Variants in SNX24 observed in about 807,000 individuals in gnomAD.
SNX24 encodes the protein sorting nexin-24.
In SNX24, 22 loss-of-function variants were observed where a neutral mutation model predicts 28.7. The observed-to-expected ratio is 0.77, with a 90% CI of 0.55 to 1.10. The LOEUF is 1.10. Among genes scored for constraint, SNX24 ranks in the 50% least tolerant of loss-of-function variants. The pLI, the probability that SNX24 is intolerant of heterozygous loss-of-function variation, is 0.00. For missense variants in SNX24, 221 were observed against 201.1 expected (o/e 1.10, Z -0.60); for synonymous variants, 69 against 71.5 (o/e 0.96, Z 0.18).
chr5:122,877,602 C>T (rs1035782171), intron 1 of SNX24, among the ~76,000 whole-genome samples: 20 of 152,306 alleles, frequency 1.3e-4, no homozygotes, highest in Middle Eastern at 3.4e-3. Flanking sequence ...CTCTACTCAG[C>T]ACCTCTGAAC....
chr5:122,948,476 T>G (rs1022591463), intron 3 of SNX24: 1 of 152,236 alleles, frequency 6.6e-6, no homozygotes, highest in Non-Finnish European at 1.5e-5. Flanking sequence ...CCATAGCATC[T>G]TAAGTTCACA....
intron 3 of SNX24, among the ~76,000 whole-genome samples, chr5:122,983,569 T>A (rs554717268): frequency 6.6e-5 from 10 of 152,186 alleles, no homozygotes; most frequent in Admixed American, 2.0e-4. Flanking sequence ...TCAGACTTTA[T>A]CAAAATCCTT....
intron 1 of SNX24, among the ~76,000 whole-genome samples, chr5:122,873,517 A>G (rs1201729171): frequency 6.6e-6 from 1 of 152,154 alleles, no homozygotes; most frequent in Non-Finnish European, 1.5e-5. Flanking sequence ...ACAGTCAGGC[A>G]GAAGTGCCAG....
chr5:123,001,064 T>C (rs989045793), intron 4 of SNX24, among the ~76,000 whole-genome samples: 5 of 152,244 alleles, frequency 3.3e-5, no homozygotes, highest in Admixed American at 2.0e-4. Context: ...CTTGTATGTA[T>C]TTACGGGCAG....
chr5:122,870,241 T>C (rs1755912399), intron 1 of SNX24, among the ~76,000 whole-genome samples: 2 of 152,222 alleles, frequency 1.3e-5, no homozygotes, highest in Non-Finnish European at 2.9e-5. Context: ...TTATTCAAAA[T>C]GTGTGCCTTG....
intron 3 of SNX24, among the ~76,000 whole-genome samples, chr5:122,953,294 A>G (rs1056853696): frequency 5.9e-5 from 9 of 152,036 alleles, no homozygotes; most frequent in South Asian, 2.1e-4. Context: ...TAATAGAAAC[A>G]GGGTTTCGCC....
chr5:122,875,303 TA>T (rs1450605555), intron 1 of SNX24, among the ~76,000 whole-genome samples: 2 of 152,186 alleles, frequency 1.3e-5, no homozygotes, highest in East Asian at 1.9e-4. Context: ...TATGATGCCA[TA>T]AAAAAAGATT....
intron 1 of SNX24, 25 bp downstream of exon 1, chr5:122,845,718 G>A: frequency 1.5e-6 from 2 of 1,341,452 alleles, no homozygotes; most frequent in Non-Finnish European, 1.9e-6. Flanking sequence ...CGGGCGGACA[G>A]GGCCCCGCGA....
chr5:122,865,198 T>C (rs1335915098), intron 1 of SNX24, among the ~76,000 whole-genome samples: 1 of 152,236 alleles, frequency 6.6e-6, no homozygotes, highest in Non-Finnish European at 1.5e-5. Context: ...ACTGAAGTTG[T>C]CACATAAAAT....
chr5:122,922,289 G>A (rs1714312719), intron 1 of SNX24, among the ~76,000 whole-genome samples: 7 of 152,096 alleles, frequency 4.6e-5, no homozygotes, highest in Admixed American at 4.6e-4. Context: ...GTCTCACTCT[G>A]TCACCCAGGC....
intron 1 of SNX24, among the ~76,000 whole-genome samples, chr5:122,895,205 TTAA>T (rs1259231834): frequency 6.6e-6 from 1 of 151,952 alleles, no homozygotes; most frequent in Non-Finnish European, 1.5e-5. Flanking sequence ...TATATTTGTA[TTAA>T]TAATAGAAAA....
At chr5:122,890,790 A>G (rs574276779) in intron 1 of SNX24, among the ~76,000 whole-genome samples, 1 of 152,132 alleles carries the variant, frequency 6.6e-6, no homozygotes, top group Non-Finnish European at 1.5e-5. Context: ...CTTTTAAAGC[A>G]TGAATTTATA....
At chr5:122,887,254 A>G (rs1329770766) in intron 1 of SNX24, among the ~76,000 whole-genome samples, 1 of 152,194 alleles carries the variant, frequency 6.6e-6, no homozygotes, top group Non-Finnish European at 1.5e-5. Flanking sequence ...TGAATATATT[A>G]CTTGATTATT....
intron 3 of SNX24, among the ~76,000 whole-genome samples, chr5:122,948,188 A>G (rs1273117947): frequency 6.6e-6 from 1 of 152,192 alleles, no homozygotes; most frequent in East Asian, 1.9e-4. Context: ...ATAAGCCTGA[A>G]CACTTAATCT....
At chr5:122,992,186 G>T (rs974602460) in intron 3 of SNX24, among the ~76,000 whole-genome samples, 5 of 152,146 alleles carry the variant, frequency 3.3e-5, no homozygotes, top group African/African-American at 1.2e-4. Flanking sequence ...TTAGCTCAAT[G>T]AGTTAGTTAA....
intron 5 of SNX24, chr5:123,023,566 T>C (rs569167704): frequency 5.3e-6 from 1 of 188,098 alleles, no homozygotes; most frequent in East Asian, 1.4e-4. Flanking sequence ...ATGGGGATCA[T>C]AATGAATTCA....
intron 3 of SNX24, among the ~76,000 whole-genome samples, chr5:122,966,874 C>G (rs1760736922): frequency 6.6e-6 from 1 of 152,132 alleles, no homozygotes. Context: ...TTCCTCAGAT[C>G]TGGGCTATAT....
chr5:123,011,652 C>T (rs1762581166), downstream of SNX24, among the ~76,000 whole-genome samples: 1 of 152,210 alleles, frequency 6.6e-6, no homozygotes, highest in Non-Finnish European at 1.5e-5. Flanking sequence ...AGGATGGCTA[C>T]TATCAAAGCA....
intron 2 of SNX24, among the ~76,000 whole-genome samples, chr5:122,945,272 A>T (rs149009032): frequency 6.6e-6 from 1 of 152,312 alleles, no homozygotes; most frequent in South Asian, 2.1e-4. Flanking sequence ...GCCCACCCCA[A>T]TAATCCAGGA....
Sources: gnomAD v4.1 joint callset for allele counts (sites outside exome capture counted in the v4.1 genomes callset) on GRCh38, gnomAD v4.1.1 for gene constraint, MANE v1.5 for transcripts, NCBI Gene and HGNC (gene_info 2026-07-23, HGNC 2026-07-21) for gene names.